The following ST6GALNAC5 variants were observed in gnomAD, a reference collection of about 807,000 sequenced individuals.
ST6GALNAC5 encodes the protein ST6 N-acetylgalactosaminide alpha-2,6-sialyltransferase 5.
A neutral mutation model predicts 33.6 loss-of-function variants in ST6GALNAC5; 27 were observed. The observed-to-expected ratio is 0.80, with a 90% CI of 0.59 to 1.11. The LOEUF is 1.11. Ranked by LOEUF, ST6GALNAC5 falls within the 50% of genes least tolerant of loss-of-function variation. The pLI, the probability that ST6GALNAC5 is intolerant of heterozygous loss-of-function variation, is 0.00. For synonymous variants in ST6GALNAC5, 194 were observed against 171.2 expected, an observed-to-expected ratio of 1.13 and a Z score of -1.04; for missense variants, 428 against 454.0, an observed-to-expected ratio of 0.94 and a Z score of 0.52.
At chr1:76,984,839 T>C (rs1649413882) in intron 2 of ST6GALNAC5, among the ~76,000 whole-genome samples, 1 of 152,216 alleles carries the variant, frequency 6.6e-6, no homozygotes, top group Admixed American at 6.5e-5. Context: ...GCTTCATCCC[T>C]AGCATGCAAG....
chr1:76,905,773 G>A (rs1646858753), intron 2 of ST6GALNAC5, among the ~76,000 whole-genome samples: 1 of 152,156 alleles, frequency 6.6e-6, no homozygotes, highest in South Asian at 2.1e-4. Flanking sequence ...AGGGTTCCAT[G>A]TATAAACTAT....
intron 2 of ST6GALNAC5, among the ~76,000 whole-genome samples, chr1:76,877,943 A>G (rs113642927): frequency 0.018 from 2,787 of 152,356 alleles, 87 homozygotes; most frequent in African/African-American, 0.063. Flanking sequence ...AGGTATGAGG[A>G]GATGTGTTAA....
At chr1:76,911,192 T>A (rs1423472557) in intron 2 of ST6GALNAC5, among the ~76,000 whole-genome samples, 2 of 152,176 alleles carry the variant, frequency 1.3e-5, no homozygotes, top group Non-Finnish European at 2.9e-5. Flanking sequence ...CTGCATCTAT[T>A]GAGATAATCA....
intron 2 of ST6GALNAC5, among the ~76,000 whole-genome samples, chr1:77,026,156 T>G (rs1438382737): frequency 6.6e-6 from 1 of 152,064 alleles, no homozygotes; most frequent in Non-Finnish European, 1.5e-5. Context: ...ATTTTAAAGG[T>G]CATGCATGCT....
intron 2 of ST6GALNAC5, among the ~76,000 whole-genome samples, chr1:76,870,425 A>G (rs965253024): frequency 6.6e-6 from 1 of 152,242 alleles, no homozygotes; most frequent in Non-Finnish European, 1.5e-5. Context: ...AGTTTTGATC[A>G]GCTTTTGGGA....
intron 2 of ST6GALNAC5, among the ~76,000 whole-genome samples, chr1:76,966,480 A>G (rs1648486045): frequency 1.3e-5 from 2 of 152,214 alleles, no homozygotes; most frequent in Non-Finnish European, 2.9e-5. Flanking sequence ...ATTGCTTATC[A>G]GCTTAAGGAG....
At chr1:76,985,742 C>T (rs1405462849) in intron 2 of ST6GALNAC5, among the ~76,000 whole-genome samples, 1 of 152,130 alleles carries the variant, frequency 6.6e-6, no homozygotes, top group Non-Finnish European at 1.5e-5. Context: ...CATCATGCTA[C>T]CTGACTTCAA....
intron 2 of ST6GALNAC5, among the ~76,000 whole-genome samples, chr1:76,934,113 A>G (rs1205218220): frequency 6.6e-6 from 1 of 152,018 alleles, no homozygotes; most frequent in Non-Finnish European, 1.5e-5. Context: ...CCTTTGAAAC[A>G]TCTTTGAGTG....
intron 2 of ST6GALNAC5, among the ~76,000 whole-genome samples, chr1:76,992,123 C>T (rs531193150): frequency 2.0e-5 from 3 of 152,034 alleles, no homozygotes; most frequent in East Asian, 1.9e-4. Flanking sequence ...TCCCATATCC[C>T]GGTGGTTATA....
At chr1:76,951,796 A>G (rs894656653) in intron 2 of ST6GALNAC5, among the ~76,000 whole-genome samples, 1 of 152,108 alleles carries the variant, frequency 6.6e-6, no homozygotes, top group Admixed American at 6.6e-5. Context: ...TCGTTTCTTT[A>G]AGAATGTTTT....
At chr1:76,933,377 T>C (rs1305428066) in intron 2 of ST6GALNAC5, among the ~76,000 whole-genome samples, 2 of 151,924 alleles carry the variant, frequency 1.3e-5, no homozygotes, top group East Asian at 3.9e-4. Flanking sequence ...GAGCTAACAT[T>C]GTTGTATGCA....
chr1:77,029,026 T>C (rs1363141431), intron 2 of ST6GALNAC5, among the ~76,000 whole-genome samples: 1 of 151,930 alleles, frequency 6.6e-6, no homozygotes, highest in Non-Finnish European at 1.5e-5. Flanking sequence ...TGGTCCAGTG[T>C]GGGCATGTGT....
At chr1:76,987,124 A>T (rs1419525343) in intron 2 of ST6GALNAC5, among the ~76,000 whole-genome samples, 1 of 152,210 alleles carries the variant, frequency 6.6e-6, no homozygotes. Context: ...CTATGTATCA[A>T]ACCTGCACCT....
In ST6GALNAC5 at chr1:76,974,773, C is replaced by CTTTTTTTTTTTTTTTTTTTTT. The variant is rs60357939; in HGVS notation, c.262-69425_262-69405dup. Among the ~76,000 whole-genome samples, 4 of 35,240 alleles carry CTTTTTTTTTTTTTTTTTTTTT rather than the reference C, an allele frequency of 1.1e-4. 1 individual carries two copies. The highest frequency in any genetic ancestry group is 9.3e-4 in the Admixed American group (2 of 2,148). The allele number at this position is 35,240 out of a possible 152,430, so 23.1% of individuals were successfully genotyped here. On this transcript the variant is annotated intron_variant, in intron 2 of 4. Coordinates refer to ENST00000477717, the MANE Select transcript of ST6GALNAC5 (RefSeq NM_030965.3). ...ATATCTGTAAGTTTTTTCTTTCTTT[C>CTTTTTTTTTTTTTTTTTTTTT]TTTTTTTTTTTTTTTTTTTTTTTTT...
At chr1:77,040,609 G>A (rs530200334) in intron 2 of ST6GALNAC5, among the ~76,000 whole-genome samples, 5 of 152,326 alleles carry the variant, frequency 3.3e-5, no homozygotes, top group South Asian at 4.1e-4. Flanking sequence ...CCCCTAAGGC[G>A]ATGTGTTTCA....
chr1:76,912,934 G>C (rs997291790), intron 2 of ST6GALNAC5, among the ~76,000 whole-genome samples: 5 of 151,058 alleles, frequency 3.3e-5, no homozygotes, highest in African/African-American at 1.2e-4. Context: ...AGTTAATATT[G>C]TTATGTGTGA....
At chr1:77,050,779 G>A (rs960920025) in intron 4 of ST6GALNAC5, among the ~76,000 whole-genome samples, 3 of 152,186 alleles carry the variant, frequency 2.0e-5, no homozygotes, top group Admixed American at 2.0e-4. Flanking sequence ...ATATTTCTCT[G>A]AGCCTCCTTC....
intron 2 of ST6GALNAC5, among the ~76,000 whole-genome samples, chr1:76,877,368 T>G (rs1422737509): frequency 1.3e-5 from 2 of 152,184 alleles, no homozygotes; most frequent in Non-Finnish European, 2.9e-5. Flanking sequence ...AGCCTTCTCC[T>G]GTTCTGGACC....
At chr1:77,005,234 G>T (rs887126761) in intron 2 of ST6GALNAC5, among the ~76,000 whole-genome samples, 10 of 152,232 alleles carry the variant, frequency 6.6e-5, no homozygotes, top group Admixed American at 6.5e-4. Flanking sequence ...GCAATATTCA[G>T]GTGGGAGTGA....
Sources: gnomAD v4.1 joint callset for allele counts (sites outside exome capture counted in the v4.1 genomes callset) on GRCh38, gnomAD v4.1.1 for gene constraint, MANE v1.5 for transcripts, NCBI Gene and HGNC (gene_info 2026-07-23, HGNC 2026-07-21) for gene names.